VPS41: variants seen among roughly 807,000 people sequenced by gnomAD.
The protein encoded by VPS41 is VPS41 subunit of HOPS complex, also known as vacuolar protein sorting-associated protein 41 homolog.
Under a neutral mutation model 130.9 loss-of-function variants are expected in VPS41, and 85 were observed. The observed-to-expected ratio is 0.65, with a 90% CI of 0.55 to 0.78. The LOEUF (loss-of-function observed/expected upper bound fraction) is 0.78, where lower values mean the gene tolerates loss of function less well. Ranked by LOEUF, VPS41 falls within the 30% of genes least tolerant of loss-of-function variation. VPS41 has a pLI of 0.00. For synonymous variants in VPS41, 335 were observed against 332.9 expected (o/e 1.01, Z -0.07); for missense variants, 874 against 1,018.7 (o/e 0.86, Z 1.93).
In VPS41 at chr7:38,745,434, G is replaced by A. The variant is rs995823313; in HGVS notation, c.1981+125C>T. 4 of 744,362 alleles carry A rather than the reference G, an allele frequency of 5.4e-6. 1 individual carries two copies. Among genetic ancestry groups the A allele is most frequent in the South Asian group, 3.1e-5 (2 of 64,322 alleles). 46.1% of individuals were successfully genotyped at this position (744,362 alleles called of 1,614,324 possible). On this transcript the variant is annotated intron_variant, in intron 23 of 28. Coordinates refer to ENST00000310301, the MANE Select transcript of VPS41 (RefSeq NM_014396.4). ...AGTCTGTTTCATATATTAAATTATT[G>A]TAAAAATAGGCTCATATTCTGTGTT...
In VPS41 at chr7:38,767,611, A is replaced by G; in HGVS notation, c.1186-13T>C. On this transcript the variant is annotated splice_polypyrimidine_tract_variant and intron_variant, in intron 14 of 28. Coordinates refer to ENST00000310301, the MANE Select transcript of VPS41 (RefSeq NM_014396.4). ...CCAAGCCAATATCCTAGAGAAAGCC[A>G]AATGAAGAAATGTCAAAATTTAACT... is the stretch of plus-strand genomic sequence containing the variant. 1 of 1,599,508 alleles carries G rather than the reference A, an allele frequency of 6.3e-7. No homozygotes were observed. The highest frequency in any genetic ancestry group is 8.5e-7 in the Non-Finnish European group (1 of 1,169,806).
At chr7:38,787,026 C>A (rs998820239) in intron 10 of VPS41, among the ~76,000 whole-genome samples, 1 of 152,082 alleles carries the variant, frequency 6.6e-6, no homozygotes, top group Non-Finnish European at 1.5e-5. Flanking sequence ...AATTCTAAGA[C>A]CACAGTATAT....
intron 1 of VPS41, among the ~76,000 whole-genome samples, chr7:38,907,129 A>G (rs1389368577): frequency 6.6e-6 from 1 of 152,194 alleles, no homozygotes; most frequent in Admixed American, 6.5e-5. Context: ...GGTGATGCAC[A>G]TTATAGGGAA....
intron 2 of VPS41, among the ~76,000 whole-genome samples, chr7:38,872,120 T>A (rs1030548828): frequency 2.0e-5 from 3 of 152,234 alleles, no homozygotes; most frequent in African/African-American, 7.2e-5. Context: ...AAGGCCTGAC[T>A]GGGTTTAGAG....
chr7:38,858,891 T>G (rs1027500640), intron 4 of VPS41, among the ~76,000 whole-genome samples: 1 of 152,158 alleles, frequency 6.6e-6, no homozygotes, highest in African/African-American at 2.4e-5. Flanking sequence ...AAAAAGAAGT[T>G]ACCCATAAAA....
chr7:38,769,223 T>C (rs986810209), intron 14 of VPS41, among the ~76,000 whole-genome samples: 2 of 152,298 alleles, frequency 1.3e-5, no homozygotes, highest in Admixed American at 1.3e-4. Context: ...ATGACCTTGC[T>C]CTGGCTGTTC....
chr7:38,884,541 G>C (rs1029365568), intron 2 of VPS41, among the ~76,000 whole-genome samples: 1 of 152,040 alleles, frequency 6.6e-6, no homozygotes, highest in Non-Finnish European at 1.5e-5. Flanking sequence ...TTTTTGTAGA[G>C]AGGAAGGATC....
chr7:38,744,448 T>C (rs2115653258), intron 23 of VPS41, among the ~76,000 whole-genome samples: 1 of 152,302 alleles, frequency 6.6e-6, no homozygotes, highest in South Asian at 2.1e-4. Flanking sequence ...TTCCACAGCA[T>C]TTTGTGTTTC....
chr7:38,812,203 T>C (rs905633541), intron 7 of VPS41, among the ~76,000 whole-genome samples: 3 of 152,078 alleles, frequency 2.0e-5, no homozygotes, highest in Non-Finnish European at 2.9e-5. Context: ...GGCATAAAGA[T>C]AGCTATATAG....
In VPS41 at chr7:38,754,924, T is replaced by G. The variant is rs755522681; in HGVS notation, c.1708A>C (p.Met570Leu). ...ATTTTATCTTCATTGTCCAAAAGCA[T>G]GTCAACAGCTTTCTGAAACATATAA... is the stretch of plus-strand genomic sequence containing the variant. ...MDFDSEKAVDMLLDNEDKISI... is the reference protein window; with the variant it reads ...MDFDSEKAVDLLLDNEDKISI... Residue 570 changes from methionine to leucine, a missense_variant, in exon 20 of 29, where the codon ATG (methionine) becomes CTG (leucine). Transcript: ENST00000310301. 4 of 1,613,592 alleles carry G rather than the reference T, an allele frequency of 2.5e-6. No homozygotes were observed. The highest frequency in any genetic ancestry group is 1.7e-5 in the Admixed American group (1 of 59,966).
At chr7:38,798,029 T>C (rs984112559) in intron 7 of VPS41, among the ~76,000 whole-genome samples, 1 of 152,092 alleles carries the variant, frequency 6.6e-6, no homozygotes, top group Non-Finnish European at 1.5e-5. Flanking sequence ...TCCCATCAGA[T>C]ATATTCTCAG....
chr7:38,752,957 C>G (rs780841148), intron 21 of VPS41, among the ~76,000 whole-genome samples: 9 of 152,078 alleles, frequency 5.9e-5, no homozygotes, highest in Non-Finnish European at 1.2e-4. Flanking sequence ...AAGAAGAATG[C>G]AGGTGTTCTG....
intron 8 of VPS41, 62 bp from the exon 9 acceptor site, chr7:38,795,673 A>T: frequency 2.7e-6 from 4 of 1,461,864 alleles, no homozygotes; most frequent in Non-Finnish European, 2.8e-6. Context: ...AAAACTTATT[A>T]ACAGCCCCTG....
intron 3 of VPS41, among the ~76,000 whole-genome samples, chr7:38,863,643 C>G (rs1452902413): frequency 3.9e-5 from 6 of 152,176 alleles, no homozygotes; most frequent in African/African-American, 9.7e-5. Flanking sequence ...AATTCATCCC[C>G]TGCAATGCCT....
chr7:38,862,349 T>C (rs938660411), intron 4 of VPS41, among the ~76,000 whole-genome samples, 196 bp downstream of exon 4: 1 of 152,208 alleles, frequency 6.6e-6, no homozygotes, highest in African/African-American at 2.4e-5. Flanking sequence ...TGCATGTATC[T>C]AGACCCCTTT....
chr7:38,829,120 ACTC>A (rs890330445), intron 5 of VPS41, among the ~76,000 whole-genome samples: 4 of 152,108 alleles, frequency 2.6e-5, no homozygotes, highest in African/African-American at 2.4e-5. Context: ...GCACAAACCA[ACTC>A]CTCCTTCATC....
At chr7:38,905,147 T>C (rs1787231646) in intron 1 of VPS41, among the ~76,000 whole-genome samples, 1 of 152,198 alleles carries the variant, frequency 6.6e-6, no homozygotes, top group Non-Finnish European at 1.5e-5. Flanking sequence ...AAACACTTAG[T>C]ACCTATAAAG....
chr7:38,871,863 G>A (rs1159575297), intron 2 of VPS41, among the ~76,000 whole-genome samples: 2 of 152,182 alleles, frequency 1.3e-5, no homozygotes, highest in African/African-American at 4.8e-5. Context: ...GACTCATTAT[G>A]TTGCCCAGGC....
intron 4 of VPS41, among the ~76,000 whole-genome samples, chr7:38,862,316 A>C (rs1786133018): frequency 6.6e-6 from 1 of 152,208 alleles, no homozygotes; most frequent in Admixed American, 6.5e-5. Context: ...TGCATATAAA[A>C]GATACCCAGT....
Sources: allele counts gnomAD v4.1 joint callset (sites outside exome capture counted in the v4.1 genomes callset), GRCh38; gene constraint gnomAD v4.1.1; transcripts MANE v1.5; gene names NCBI Gene and HGNC (gene_info 2026-07-23, HGNC 2026-07-21).